Variants in KCNIP4 observed in about 807,000 individuals in gnomAD.
KCNIP4 encodes the protein potassium voltage-gated channel interacting protein 4, also known as Kv channel-interacting protein 4.
A neutral mutation model predicts 34.0 loss-of-function variants in KCNIP4; 12 were observed. The observed-to-expected ratio is 0.35, with a 90% CI of 0.23 to 0.57. The LOEUF (loss-of-function observed/expected upper bound fraction) is 0.57, where lower values mean the gene tolerates loss of function less well. KCNIP4 is among the 20% of genes least tolerant of loss of function. The probability of loss-of-function intolerance (pLI) is 0.83; values close to 1 mark genes in which losing one functional copy is unlikely to be tolerated. For missense variants in KCNIP4, 238 were observed against 311.7 expected (o/e 0.76, Z 1.78); for synonymous variants, 124 against 102.2 (o/e 1.21, Z -1.29).
chr4:20,937,605 G>A (rs1731212527), intron 1 of KCNIP4, among the ~76,000 whole-genome samples: 1 of 152,020 alleles, frequency 6.6e-6, no homozygotes, highest in South Asian at 2.1e-4. Context: ...AAAATCAGAA[G>A]GTCATATGAA....
chr4:21,531,048 A>G (rs1334085762), intron 1 of KCNIP4, among the ~76,000 whole-genome samples: 1 of 152,186 alleles, frequency 6.6e-6, no homozygotes, highest in Admixed American at 6.5e-5. Flanking sequence ...AGCTAAGTTG[A>G]GGGCTCAAGT....
intron 1 of KCNIP4, among the ~76,000 whole-genome samples, chr4:20,927,234 C>T (rs1053655084): frequency 6.6e-6 from 1 of 152,174 alleles, no homozygotes; most frequent in African/African-American, 2.4e-5. Flanking sequence ...ACCTTGGCCT[C>T]CCAAAGTCCT....
At chr4:20,771,358 T>G (rs1470317535) in intron 3 of KCNIP4, among the ~76,000 whole-genome samples, 1 of 152,220 alleles carries the variant, frequency 6.6e-6, no homozygotes, top group Non-Finnish European at 1.5e-5. Flanking sequence ...ACTCCTTATG[T>G]GAGATTACAC....
chr4:20,930,954 G>T (rs1730401205), intron 1 of KCNIP4, among the ~76,000 whole-genome samples: 1 of 151,946 alleles, frequency 6.6e-6, no homozygotes, highest in South Asian at 2.1e-4. Flanking sequence ...CAGTGTGGAG[G>T]TTCCTAAAGA....
At chr4:21,867,314 T>C (rs1031118117) in intron 1 of KCNIP4, among the ~76,000 whole-genome samples, 1 of 152,052 alleles carries the variant, frequency 6.6e-6, no homozygotes, top group Non-Finnish European at 1.5e-5. Flanking sequence ...TAGAAATGAG[T>C]CTCACTTTTC....
intron 1 of KCNIP4, among the ~76,000 whole-genome samples, chr4:21,603,946 T>C (rs746105498): frequency 9.9e-5 from 15 of 152,106 alleles, no homozygotes; most frequent in African/African-American, 3.6e-4. Flanking sequence ...TTAATCAAAA[T>C]ATAATGAAGT....
chr4:21,647,160 G>A (rs1174239958), intron 1 of KCNIP4, among the ~76,000 whole-genome samples: 1 of 151,860 alleles, frequency 6.6e-6, no homozygotes, highest in African/African-American at 2.4e-5. Flanking sequence ...TTGAGTTGCA[G>A]TTTATCTTAT....
chr4:21,676,221 C>A (rs1310820967), intron 1 of KCNIP4, among the ~76,000 whole-genome samples: 1 of 152,128 alleles, frequency 6.6e-6, no homozygotes, highest in Non-Finnish European at 1.5e-5. Context: ...CAGAGAACTT[C>A]TAAAGCCCCA....
At chr4:21,079,804 G>T (rs561983646) in intron 1 of KCNIP4, among the ~76,000 whole-genome samples, 3 of 151,754 alleles carry the variant, frequency 2.0e-5, no homozygotes, top group Non-Finnish European at 2.9e-5. Flanking sequence ...AGTCCCAGAA[G>T]GATATGTGAT....
intron 1 of KCNIP4, among the ~76,000 whole-genome samples, chr4:21,056,515 G>A (rs1241922360): frequency 6.6e-6 from 1 of 152,038 alleles, no homozygotes; most frequent in Non-Finnish European, 1.5e-5. Flanking sequence ...ATGTTCATGT[G>A]TCTGTCTCAT....
At chr4:20,825,044 C>G (rs1400006097) in intron 3 of KCNIP4, among the ~76,000 whole-genome samples, 1 of 152,064 alleles carries the variant, frequency 6.6e-6, no homozygotes, top group Non-Finnish European at 1.5e-5. Context: ...TTACTCTTTA[C>G]AGCATGTTGA....
intron 1 of KCNIP4, among the ~76,000 whole-genome samples, chr4:21,478,672 T>C (rs992280681): frequency 4.6e-5 from 7 of 152,268 alleles, no homozygotes; most frequent in Admixed American, 3.9e-4. Flanking sequence ...CATTCCCTTT[T>C]AGATTAGGAA....
At chr4:20,761,952 A>G (rs889230167) in intron 3 of KCNIP4, among the ~76,000 whole-genome samples, 3 of 152,164 alleles carry the variant, frequency 2.0e-5, no homozygotes, top group Non-Finnish European at 4.4e-5. Context: ...TCTTCTAGGA[A>G]CTGGGACTGC....
At chr4:20,833,716 C>A (rs1375462704) in intron 3 of KCNIP4, among the ~76,000 whole-genome samples, 1 of 152,040 alleles carries the variant, frequency 6.6e-6, no homozygotes, top group African/African-American at 2.4e-5. Flanking sequence ...CTCGAAGGTG[C>A]TAGTTTGTTA....
chr4:20,833,537 C>T (rs1183126024), intron 3 of KCNIP4, among the ~76,000 whole-genome samples: 3 of 150,704 alleles, frequency 2.0e-5, no homozygotes, highest in Non-Finnish European at 2.9e-5. Context: ...GTCATATGTG[C>T]CCCCTCCCAG....
chr4:21,726,062 C>G (rs1715170417), intron 1 of KCNIP4, among the ~76,000 whole-genome samples: 2 of 152,112 alleles, frequency 1.3e-5, no homozygotes. Context: ...CAATTCCTAT[C>G]AAGTTTATTT....
chr4:21,845,625 T>C (rs1723968980), intron 1 of KCNIP4: 1 of 152,096 alleles, frequency 6.6e-6, no homozygotes, highest in Non-Finnish European at 1.5e-5. Flanking sequence ...TGACACTTCT[T>C]AGTAATAAAA....
intron 1 of KCNIP4, among the ~76,000 whole-genome samples, chr4:20,992,750 G>A (rs187465995): frequency 2.4e-4 from 36 of 152,168 alleles, no homozygotes; most frequent in Middle Eastern, 6.8e-3. Context: ...AGAGTAGGCC[G>A]AACATGGTGG....
At chr4:21,481,192 T>C (rs1254370960) in intron 1 of KCNIP4, among the ~76,000 whole-genome samples, 2 of 152,048 alleles carry the variant, frequency 1.3e-5, no homozygotes, top group Non-Finnish European at 2.9e-5. Flanking sequence ...TAAAAACAAA[T>C]CCTGCAGTGA....
Sources: allele counts gnomAD v4.1 joint callset (sites outside exome capture counted in the v4.1 genomes callset), GRCh38; gene constraint gnomAD v4.1.1; transcripts MANE v1.5; gene names NCBI Gene and HGNC (gene_info 2026-07-23, HGNC 2026-07-21).